Variants in GNAQ observed in about 807,000 individuals in gnomAD.
The protein encoded by GNAQ is G protein subunit alpha q.
In GNAQ, 8 loss-of-function variants were observed where a neutral mutation model predicts 43.9. The observed-to-expected ratio is 0.18, with a 90% CI of 0.11 to 0.33. The LOEUF is 0.33. GNAQ is among the 10% of genes least tolerant of loss of function. GNAQ has a pLI of 1.00. For missense variants in GNAQ, 158 were observed against 450.8 expected (o/e 0.35, Z 5.88); for synonymous variants, 155 against 170.7 (o/e 0.91, Z 0.71).
intron 2 of GNAQ, among the ~76,000 whole-genome samples, chr9:77,822,033 G>A (rs1326031271): frequency 6.6e-6 from 1 of 152,094 alleles, no homozygotes; most frequent in African/African-American, 2.4e-5. Flanking sequence ...TAAGAGAATG[G>A]GGAGAATAAT....
chr9:78,011,706 A>G (rs2118581963), intron 1 of GNAQ, among the ~76,000 whole-genome samples: 1 of 152,362 alleles, frequency 6.6e-6, no homozygotes, highest in Non-Finnish European at 1.5e-5. Context: ...GGCACTTGAC[A>G]TTGATATTCA....
At chr9:77,925,185 A>C (rs1395892779) in intron 1 of GNAQ, among the ~76,000 whole-genome samples, 1 of 152,014 alleles carries the variant, frequency 6.6e-6, no homozygotes, top group Admixed American at 6.6e-5. Context: ...CTCAATCCCC[A>C]CACTGGAGTG....
At chr9:77,948,683 A>G (rs994284274) in intron 1 of GNAQ, among the ~76,000 whole-genome samples, 4 of 152,232 alleles carry the variant, frequency 2.6e-5, no homozygotes, top group African/African-American at 9.6e-5. Flanking sequence ...CATTCATCCT[A>G]TAAATAACCC....
intron 2 of GNAQ, among the ~76,000 whole-genome samples, chr9:77,906,981 C>CT (rs1486921737): frequency 6.6e-6 from 1 of 152,036 alleles, no homozygotes; most frequent in Admixed American, 6.5e-5. Context: ...TCTTCTTTTG[C>CT]TTTTCTATGT....
chr9:77,803,227 A>C (rs747059053), intron 3 of GNAQ, among the ~76,000 whole-genome samples: 63 of 152,224 alleles, frequency 4.1e-4, no homozygotes, highest in Non-Finnish European at 7.5e-4. Context: ...GTAATAACCA[A>C]GTTCTGAATA....
At chr9:78,012,491 AC>A (rs1823785976) in intron 1 of GNAQ, among the ~76,000 whole-genome samples, 2 of 151,944 alleles carry the variant, frequency 1.3e-5, no homozygotes, top group Admixed American at 1.3e-4. Context: ...ACAGGTGTAA[AC>A]CACCTCACCT....
chr9:77,719,359 A>G lies in GNAQ; in HGVS notation c.*1964T>C. ...CAATATCAAGAGAGATGTATGTACA[A>G]TGATTAGAGCATTTGTAATTGCACT... On this transcript the variant is annotated 3_prime_UTR_variant, in exon 7 of 7. Transcript: ENST00000286548. The G allele has an allele frequency of 4.3e-6, 1 of 232,816 alleles. No individual in the cohort carries two copies. Among genetic ancestry groups the G allele is most frequent in the African/African-American group, 2.2e-5 (1 of 45,446 alleles). 14.4% of individuals were successfully genotyped at this position (232,816 alleles called of 1,614,324 possible). A position where few individuals can be genotyped will look rare whatever the true frequency, so the allele number is the denominator to read the frequency against.
intron 2 of GNAQ, among the ~76,000 whole-genome samples, chr9:77,834,211 C>T (rs1312915118): frequency 6.6e-6 from 1 of 152,148 alleles, no homozygotes; most frequent in Non-Finnish European, 1.5e-5. Flanking sequence ...AGCAGGTGGG[C>T]TTTGATGGAG....
intron 2 of GNAQ, among the ~76,000 whole-genome samples, chr9:77,862,205 T>C (rs1827866285): frequency 6.6e-6 from 1 of 151,912 alleles, no homozygotes; most frequent in Non-Finnish European, 1.5e-5. Flanking sequence ...GGATCTCTTG[T>C]CACTCCACTA....
Position 77,935,677 on chromosome 9 carries a change from C to T in GNAQ, c.137-13332G>A, listed in dbSNP as rs371999206. Among the ~76,000 whole-genome samples, 158 of 152,226 alleles carry T rather than the reference C, an allele frequency of 1.0e-3. 3 individuals are homozygous for T. The South Asian group carries it at 0.032, about 31-fold the overall frequency. On this transcript the variant is annotated intron_variant, in intron 1 of 6. Coordinates refer to ENST00000286548, the MANE Select transcript of GNAQ (RefSeq NM_002072.5). ...GGTACCACCAATTTTGATGTCAAGA[C>T]GATTTCACCAGCCAGTTAAAAAAGG...
At chr9:77,958,581 A>T (rs1044079739) in intron 1 of GNAQ, among the ~76,000 whole-genome samples, 1 of 152,220 alleles carries the variant, frequency 6.6e-6, no homozygotes, top group Non-Finnish European at 1.5e-5. Context: ...TTTTCAAGAA[A>T]CCAGTTTAGG....
intron 2 of GNAQ, among the ~76,000 whole-genome samples, chr9:77,831,237 A>C (rs1444694307): frequency 6.6e-6 from 1 of 152,238 alleles, no homozygotes; most frequent in African/African-American, 2.4e-5. Context: ...AAAAGAATTA[A>C]AATGTTTTAT....
intron 2 of GNAQ, among the ~76,000 whole-genome samples, chr9:77,843,042 C>T (rs556785715): frequency 1.2e-4 from 18 of 152,176 alleles, no homozygotes; most frequent in Middle Eastern, 3.4e-3. Context: ...CTAAGGTATG[C>T]GTAATCTGAT....
chr9:77,958,446 C>G (rs559408526), intron 1 of GNAQ, among the ~76,000 whole-genome samples: 2 of 152,204 alleles, frequency 1.3e-5, no homozygotes, highest in South Asian at 4.1e-4. Flanking sequence ...CAATAAATGA[C>G]TTTCATATTC....
chr9:77,817,365 T>C (rs138996034), intron 2 of GNAQ, among the ~76,000 whole-genome samples: 96 of 149,960 alleles, frequency 6.4e-4, no homozygotes, highest in African/African-American at 2.2e-3. Flanking sequence ...TGGCAAGTGG[T>C]AGATGTTCAA....
At chr9:77,899,894 C>T (rs1037248390) in intron 2 of GNAQ, among the ~76,000 whole-genome samples, 1 of 152,140 alleles carries the variant, frequency 6.6e-6, no homozygotes, top group Non-Finnish European at 1.5e-5. Context: ...TGATCCCTGC[C>T]GCCTCAAAAG....
intron 3 of GNAQ, among the ~76,000 whole-genome samples, chr9:77,811,185 T>C (rs1187095566): frequency 6.6e-6 from 1 of 152,220 alleles, no homozygotes; most frequent in East Asian, 1.9e-4. Context: ...CCAAAAGAAG[T>C]TGGTCCTAAG....
At chr9:77,915,662 G>C (rs1828890018) in intron 2 of GNAQ, among the ~76,000 whole-genome samples, 1 of 152,028 alleles carries the variant, frequency 6.6e-6, no homozygotes, top group Non-Finnish European at 1.5e-5. Context: ...GGGTGGTGTG[G>C]AAATGGGATA....
intron 2 of GNAQ, among the ~76,000 whole-genome samples, chr9:77,820,532 T>C (rs1827097407): frequency 6.6e-6 from 1 of 152,218 alleles, no homozygotes; most frequent in Non-Finnish European, 1.5e-5. Flanking sequence ...ATTCAACATG[T>C]GGCTCAGCAA....
Sources: gnomAD v4.1 joint callset for allele counts (sites outside exome capture counted in the v4.1 genomes callset) on GRCh38, gnomAD v4.1.1 for gene constraint, MANE v1.5 for transcripts, NCBI Gene and HGNC (gene_info 2026-07-23, HGNC 2026-07-21) for gene names.